CUBN: variants seen among roughly 807,000 people sequenced by gnomAD.
The protein encoded by CUBN is 460 kDa receptor.
A neutral mutation model predicts 405.3 loss-of-function variants in CUBN; 282 were observed. The ratio of observed to expected loss-of-function variants is 0.70; its 90% CI spans 0.63 to 0.77. The LOEUF is 0.77. CUBN is among the 30% of genes least tolerant of loss of function. CUBN has a pLI of 0.00. For synonymous variants in CUBN, 1,684 were observed against 1,617.0 expected (o/e 1.04, Z -0.99); for missense variants, 4,514 against 4,475.2 (o/e 1.01, Z -0.25).
At chr10:17,068,025 A>C (rs770677682) in intron 21 of CUBN, 39 bp downstream of exon 21, 4 of 1,513,352 alleles carry the variant, frequency 2.6e-6, no homozygotes, top group Non-Finnish European at 3.7e-6. Context: ...GAAATCAGTG[A>C]AGTTTTATTG....
intron 59 of CUBN, among the ~76,000 whole-genome samples, chr10:16,864,089 T>C (rs762592440): frequency 4.6e-5 from 7 of 152,338 alleles, no homozygotes; most frequent in Non-Finnish European, 8.8e-5. Context: ...TGGTATATTA[T>C]TATATCTCAT....
chr10:16,827,978 T>A (rs765516418), intron 66 of CUBN, among the ~76,000 whole-genome samples: 1 of 152,232 alleles, frequency 6.6e-6, no homozygotes, highest in African/African-American at 2.4e-5. Flanking sequence ...GATTCTGATT[T>A]TTTTAGGGAA....
intron 27 of CUBN, among the ~76,000 whole-genome samples, chr10:17,038,820 G>A (rs531235605): frequency 1.8e-4 from 28 of 152,160 alleles, no homozygotes; most frequent in Admixed American, 3.9e-4. Context: ...CAACAGCGCC[G>A]TTTTTTTGGA....
intron 14 of CUBN, among the ~76,000 whole-genome samples, chr10:17,092,086 A>T (rs1357988156): frequency 6.6e-6 from 1 of 152,138 alleles, no homozygotes; most frequent in Non-Finnish European, 1.5e-5. Flanking sequence ...CCCCACAGGG[A>T]CGATACGGAG....
intron 14 of CUBN, among the ~76,000 whole-genome samples, chr10:17,099,177 G>A (rs556407503): frequency 6.6e-6 from 1 of 152,244 alleles, no homozygotes; most frequent in East Asian, 1.9e-4. Flanking sequence ...CAGTAAAAAA[G>A]ATGAGAAAAT....
At chr10:17,083,175 C>A (rs995144366) in intron 17 of CUBN, among the ~76,000 whole-genome samples, 1 of 151,636 alleles carries the variant, frequency 6.6e-6, no homozygotes, top group African/African-American at 2.4e-5. Context: ...ATAAATATAC[C>A]CATTCTGAAA....
At chr10:16,984,619 A>G (rs1305829396) in intron 29 of CUBN, among the ~76,000 whole-genome samples, 1 of 152,196 alleles carries the variant, frequency 6.6e-6, no homozygotes, top group African/African-American at 2.4e-5. Flanking sequence ...TCTAGCAGAA[A>G]CATTACAGAT....
chr10:17,122,927 T>C (rs528577814), intron 5 of CUBN, 29 bp from the exon 6 acceptor site: 28 of 1,503,324 alleles, frequency 1.9e-5, no homozygotes, highest in Middle Eastern at 3.4e-4. Flanking sequence ...CAAAGTCAGG[T>C]GCCAAAGGTC....
chr10:16,883,733 C>T (rs1840729499), intron 56 of CUBN, among the ~76,000 whole-genome samples: 1 of 152,164 alleles, frequency 6.6e-6, no homozygotes, highest in African/African-American at 2.4e-5. Context: ...GGGCCCACTC[C>T]TGTTGGGGCT....
rs376461109 is a variant in CUBN at position 16,828,958 on chromosome 10, G to A, written c.10611C>T (p.Cys3537=). ...CAGCAGGAGCAACAAGGACCCACTC[G>A]CAGTACGTGTTGTTTGGGTATGTGC... is the stretch of plus-strand genomic sequence containing the variant. The part of the protein sequence containing the change: ...YPGTYPNNTY[C]EWVLVAPAGR... Residue 3537 remains cysteine (C), a synonymous_variant, in exon 66 of 67, where the codon TGC becomes TGT. Coordinates refer to ENST00000377833, the MANE Select transcript of CUBN (RefSeq NM_001081.4). 1.7e-5 allele frequency: 27 copies of A among 1,613,982 alleles called. No individual in the cohort carries two copies. The African/African-American group carries it at 2.5e-4, about 15-fold the overall frequency.
chr10:17,093,347 G>A (rs1836306444), intron 14 of CUBN, among the ~76,000 whole-genome samples: 1 of 152,134 alleles, frequency 6.6e-6, no homozygotes, highest in South Asian at 2.1e-4. Context: ...AATAAATACT[G>A]AAGGGATGTG....
intron 43 of CUBN, among the ~76,000 whole-genome samples, chr10:16,924,540 A>G (rs1259172334): frequency 6.6e-6 from 1 of 152,180 alleles, no homozygotes; most frequent in East Asian, 1.9e-4. Flanking sequence ...GATTCAAGTC[A>G]TAGGATCATT....
intron 27 of CUBN, among the ~76,000 whole-genome samples, chr10:17,027,099 A>G (rs1834687639): frequency 6.6e-6 from 1 of 152,204 alleles, no homozygotes; most frequent in Non-Finnish European, 1.5e-5. Context: ...TGCTCTTACT[A>G]GAATTTACAT....
chr10:16,866,822 A>T (rs1840199389), intron 59 of CUBN, among the ~76,000 whole-genome samples: 1 of 152,162 alleles, frequency 6.6e-6, no homozygotes, highest in East Asian at 1.9e-4. Context: ...ATCCATGCAT[A>T]TGGGCCTCCA....
chr10:17,129,253 A>G lies in CUBN; in HGVS notation c.123-3T>C, dbSNP rs912916226. On this transcript the variant is annotated splice_polypyrimidine_tract_variant and splice_region_variant and intron_variant, in intron 1 of 66. Transcript: ENST00000377833. ...CTCTCTCTGTAGCCATTCGAGGCCT[A>G]TATAATTCAAACGAGAGAATGCATC... The G allele has an allele frequency of 2.5e-6, 4 of 1,613,362 alleles. No individual in the cohort carries two copies. The African/African-American group carries it at 5.3e-5, about 22-fold the overall frequency.
intron 31 of CUBN, among the ~76,000 whole-genome samples, chr10:16,964,556 A>G (rs9423958): frequency 1.3e-5 from 2 of 152,026 alleles, no homozygotes; most frequent in East Asian, 3.9e-4. Context: ...AAGGATGGCA[A>G]TAATTTCTTA....
intron 58 of CUBN, among the ~76,000 whole-genome samples, chr10:16,873,733 A>G (rs557920211): frequency 4.1e-4 from 62 of 151,836 alleles, no homozygotes; most frequent in African/African-American, 1.4e-3. Flanking sequence ...AAAAAAAAAA[A>G]AAAAGAAAAG....
At chr10:16,846,964 TAAAGGATAACA>T (rs1839532939) in intron 60 of CUBN, among the ~76,000 whole-genome samples, 1 of 152,152 alleles carries the variant, frequency 6.6e-6, no homozygotes, top group Non-Finnish European at 1.5e-5. Flanking sequence ...CTCAGTTTCG[TAAAGGATAACA>T]AAAGGGAGTG....
chr10:17,046,868 T>C (rs183866898), intron 23 of CUBN, among the ~76,000 whole-genome samples: 2 of 152,156 alleles, frequency 1.3e-5, no homozygotes, highest in Non-Finnish European at 2.9e-5. Flanking sequence ...TAGTAACATA[T>C]AAGCTAACTT....
Sources: gnomAD v4.1 joint callset for allele counts (sites outside exome capture counted in the v4.1 genomes callset) on GRCh38, gnomAD v4.1.1 for gene constraint, MANE v1.5 for transcripts, NCBI Gene and HGNC (gene_info 2026-07-23, HGNC 2026-07-21) for gene names.